MACF1: variants seen among roughly 807,000 people sequenced by gnomAD.
MACF1 encodes the protein microtubule-actin cross-linking factor 1.
MACF1 carries 193 observed loss-of-function variants against 854.8 expected under a neutral mutation model. The observed-to-expected ratio is 0.23, with a 90% CI of 0.20 to 0.25. The LOEUF is 0.25. MACF1 is among the 10% of genes least tolerant of loss of function. The pLI is 1.00. For synonymous variants in MACF1, 3,185 were observed against 3,226.7 expected, an observed-to-expected ratio of 0.99 and a Z score of 0.44; for missense variants, 7,722 against 8,929.1, an observed-to-expected ratio of 0.86 and a Z score of 5.45.
intron 6 of MACF1, chr1:39,269,323 A>G: frequency 1.1e-5 from 14 of 1,289,880 alleles, no homozygotes; most frequent in Non-Finnish European, 1.4e-5. Context: ...TACCCCACTG[A>G]TAAAGGAAAT....
Position 39,433,165 on chromosome 1 carries a change from A to C in MACF1, c.17565+10A>C. 1 of 1,478,496 alleles carries C rather than the reference A, an allele frequency of 6.8e-7. No homozygotes were observed. Among genetic ancestry groups the C allele is most frequent in the Non-Finnish European group, 9.4e-7 (1 of 1,064,664 alleles). 91.6% of individuals were successfully genotyped at this position (1,478,496 alleles called of 1,614,324 possible). Reference sequence around the variant, plus strand: ...AAAAACTGTATTACAGGTGAATTACATTTATTTATTTGCCATATTGTTCCT... The same window carrying C: ...AAAAACTGTATTACAGGTGAATTACCTTTATTTATTTGCCATATTGTTCCT... On this transcript the variant is annotated intron_variant, in intron 68 of 100. Coordinates refer to ENST00000564288, the MANE Select transcript of MACF1 (RefSeq NM_001394062.1).
At chr1:39,121,855 G>C (rs1328827250) in intron 2 of MACF1, among the ~76,000 whole-genome samples, 6 of 152,048 alleles carry the variant, frequency 3.9e-5, no homozygotes, top group African/African-American at 1.5e-4. Flanking sequence ...CTTCCCAGAG[G>C]GTCACACAGC....
intron 58 of MACF1, among the ~76,000 whole-genome samples, chr1:39,408,897 C>T (rs565777391): frequency 6.6e-6 from 1 of 152,128 alleles, no homozygotes; most frequent in South Asian, 2.1e-4. Flanking sequence ...CCACCGCTCC[C>T]TCCACTCTCG....
chr1:39,269,166 G>A (rs1446299079), intron 6 of MACF1: 5 of 1,289,970 alleles, frequency 3.9e-6, no homozygotes, highest in South Asian at 3.7e-5. Context: ...AAGGAACTGC[G>A]AGAAGTCAGT....
Position 39,452,175 on chromosome 1 carries a change from G to C in MACF1, c.20438G>C (p.Gly6813Ala), listed in dbSNP as rs770494502. Residue 6813 changes from glycine (G) to alanine (A), a missense_variant, in exon 86 of 101, where the codon GGA (glycine) becomes GCA (alanine). Transcript: ENST00000564288. ...DAHKVFQKEL[G>A]KRTGTVQVLK... ...TTCTAGGTTTTCCAGAAGGAACTGG[G>C]AAAGCGAACAGGAACCGTTCAGGTC... 2.6e-5 allele frequency: 41 copies of C among 1,599,896 alleles called. No homozygotes were observed. Among genetic ancestry groups the C allele is most frequent in the Non-Finnish European group, 3.2e-5 (38 of 1,173,340 alleles).
At chr1:39,461,811 AAAAAAAAT>A in intron 92 of MACF1, 64 bp from the exon 93 acceptor site, 3 of 1,024,266 alleles carry the variant, frequency 2.9e-6, no homozygotes, top group Non-Finnish European at 1.4e-6. Context: ...AAAAAAAAAA[AAAAAAAAT>A]CTATAACCGC....
intron 47 of MACF1, among the ~76,000 whole-genome samples, chr1:39,360,076 T>C (rs1441361524): frequency 7.9e-6 from 1 of 125,806 alleles, no homozygotes; most frequent in African/African-American, 2.9e-5. Context: ...CACACATATG[T>C]ATATACACAC....
Position 39,296,400 on chromosome 1 carries a change from C to CT in MACF1, c.2355+526dup, listed in dbSNP as rs1174778615. Among the ~76,000 whole-genome samples, 4 of 151,746 alleles carry CT rather than the reference C, an allele frequency of 2.6e-5. No homozygotes were observed. The East Asian group carries it at 5.8e-4, about 22-fold the overall frequency. On this transcript the variant is annotated intron_variant, in intron 20 of 100. Transcript: ENST00000564288. Reference sequence around the variant, plus strand: ...GGGAGTAGCTGTAAAATATTATGACCTTTTTTTTCTTTTTTCAATCTGTCA... The same window carrying CT: ...GGGAGTAGCTGTAAAATATTATGACCTTTTTTTTTCTTTTTTCAATCTGTCA...
intron 95 of MACF1, among the ~76,000 whole-genome samples, chr1:39,466,620 G>A (rs555247314): frequency 1.3e-5 from 2 of 152,278 alleles, no homozygotes; most frequent in South Asian, 4.1e-4. Flanking sequence ...CACTGCTCTT[G>A]GGTGGAATCC....
At chr1:39,430,094 GAAAA>G in intron 65 of MACF1, 26 bp downstream of exon 65, 2 of 1,581,242 alleles carry the variant, frequency 1.3e-6, no homozygotes, top group Non-Finnish European at 1.7e-6. Flanking sequence ...ACCATAAAAA[GAAAA>G]AAAGGCTTCC....
rs1230674089 is a variant in MACF1, at chr1:39,105,669, GAGA to G, written c.220+21234_220+21236del. 15 of 1,237,304 alleles carry G rather than the reference GAGA, an allele frequency of 1.2e-5. No homozygotes were observed. The highest frequency in any genetic ancestry group is 1.5e-5 in the Non-Finnish European group (14 of 963,096). The allele number at this position is 1,237,304 out of a possible 1,614,324, so 76.6% of individuals were successfully genotyped here. A position where few individuals can be genotyped will look rare whatever the true frequency, so the allele number is the denominator to read the frequency against. On this transcript the variant is annotated intron_variant, in intron 2 of 93. Coordinates refer to the MACF1 transcript ENST00000361689. This position sits in a 1 kb window ranked among gnomAD's most constrained non-coding sequence, Gnocchi z 5.9. ...TCAGCAGCCGGCCAACCGCAGCCAGGAGAAGGAGTTCGTGCAGGCGTACGAGGA... is the reference window on the plus strand; with the variant it reads ...TCAGCAGCCGGCCAACCGCAGCCAGGAGGAGTTCGTGCAGGCGTACGAGGA...
chr1:39,277,455 A>G (rs1241438256), intron 6 of MACF1, among the ~76,000 whole-genome samples: 1 of 152,202 alleles, frequency 6.6e-6, no homozygotes, highest in African/African-American at 2.4e-5. Flanking sequence ...ATATGTGTAA[A>G]TAAATTTCTA....
chr1:39,485,699 A>C lies in MACF1; in HGVS notation c.22573A>C (p.Asn7525His). 6.2e-7 allele frequency: 1 copy of C among 1,614,116 alleles called. No individual in the cohort carries two copies. The highest frequency in any genetic ancestry group is 8.5e-7 in the Non-Finnish European group (1 of 1,179,998). The change falls in exon 101 of 101, where the codon AAC (asparagine) becomes CAC (histidine). Residue 7525 changes from asparagine to histidine, a missense_variant. This residue lies in a region of MACF1 where 185 missense variants were observed against 225.7 expected (regional missense o/e 0.82). Coordinates refer to ENST00000564288, the MANE Select transcript of MACF1 (RefSeq NM_001394062.1). ...AAGCAGCGCTGCAGGGGGCCAAGGC[A>C]ACTCCAGGAGAGGGCTAAACAAACC... ...SESSAAGGQG[N>H]SRRGLNKPSK...
At chr1:39,209,852 G>A (rs1019304979) in intron 1 of MACF1, among the ~76,000 whole-genome samples, 3 of 152,152 alleles carry the variant, frequency 2.0e-5, no homozygotes, top group Non-Finnish European at 2.9e-5. Flanking sequence ...ACTTTGGGAG[G>A]TCAAGGCATG....
chr1:39,161,564 AC>A (rs1557490139), intron 2 of MACF1, among the ~76,000 whole-genome samples: 1 of 152,058 alleles, frequency 6.6e-6, no homozygotes, highest in Non-Finnish European at 1.5e-5. Flanking sequence ...AAACAAAAAA[AC>A]AATACAAAAA....
chr1:39,173,338 CAAA>C (rs10636583), intron 2 of MACF1, among the ~76,000 whole-genome samples: 2 of 100,992 alleles, frequency 2.0e-5, no homozygotes, highest in African/African-American at 4.2e-5. Flanking sequence ...GACTCCATCT[CAAA>C]AAAAAAAAAA....
intron 95 of MACF1, among the ~76,000 whole-genome samples, chr1:39,466,715 G>T (rs146972810): frequency 0.011 from 1,750 of 152,286 alleles, 18 homozygotes; most frequent in Non-Finnish European, 0.013. Context: ...ACAGAGCCTG[G>T]GGGGCAGCTT....
At chr1:39,353,317 A>G (rs1381270630) in intron 44 of MACF1, 86 bp downstream of exon 44, 19 of 966,744 alleles carry the variant, frequency 2.0e-5, no homozygotes, top group Non-Finnish European at 2.6e-5. Context: ...CCCTAAATCC[A>G]GTGAGCACTT....
At position 39,250,051 on chromosome 1, in the gene MACF1, G is replaced by A. The variant is rs370298136; in HGVS notation, c.209G>A (p.Arg70Gln). The change falls in exon 3 of 101, where the codon CGG becomes CAG. Residue 70 changes from arginine to glutamine, a missense_variant. By Grantham distance (43) the Arg-to-Gln change is conservative. Transcript: ENST00000564288. ...KHINDLYEDL[R>Q]DGHNLISLLE... Reference sequence around the variant, plus strand: ...ATCAATGATCTTTATGAAGATCTGCGGGATGGCCATAACCTGATCTCTCTG... The same window carrying A: ...ATCAATGATCTTTATGAAGATCTGCAGGATGGCCATAACCTGATCTCTCTG... The A allele has an allele frequency of 2.7e-5, 43 of 1,613,550 alleles. No homozygotes were observed. The highest frequency in any genetic ancestry group is 1.0e-4 in the Admixed American group (6 of 59,962).
Sources: gnomAD v4.1 joint callset for allele counts (sites outside exome capture counted in the v4.1 genomes callset) on GRCh38, gnomAD v4.1.1 for gene constraint, gnomAD v4.1.1 regional missense constraint, Gnocchi (gnomAD v3.1) non-coding constraint, MANE v1.5 for transcripts, NCBI Gene and HGNC (gene_info 2026-07-23, HGNC 2026-07-21) for gene names.